PIK3C2G: variants seen among roughly 807,000 people sequenced by gnomAD.
The protein encoded by PIK3C2G is phosphatidylinositol 3-kinase C2 domain-containing subunit gamma.
PIK3C2G carries 168 observed loss-of-function variants against 181.1 expected under a neutral mutation model. The observed-to-expected ratio is 0.93, with a 90% confidence interval of 0.82 to 1.05. PIK3C2G has a LOEUF of 1.05. PIK3C2G is among the 50% of genes least tolerant of loss of function. The pLI, the probability that PIK3C2G is intolerant of heterozygous loss-of-function variation, is 0.00. For missense variants in PIK3C2G, 1,869 were observed against 1,732.8 expected, an observed-to-expected ratio of 1.08 and a Z score of -1.40; for synonymous variants, 573 against 592.2, an observed-to-expected ratio of 0.97 and a Z score of 0.47.
chr12:18,300,386 C>T (rs148006880), intron 5 of PIK3C2G, among the ~76,000 whole-genome samples: 1 of 151,864 alleles, frequency 6.6e-6, no homozygotes, highest in Non-Finnish European at 1.5e-5. Context: ...TTAGTTGTCT[C>T]TTTTGTATTG....
At position 18,300,727 on chromosome 12, in the gene PIK3C2G, T is replaced by G. The variant is rs1047025933; in HGVS notation, c.1034+6712T>G. Among the ~76,000 whole-genome samples, 10 of 152,092 alleles carry G rather than the reference T, an allele frequency of 6.6e-5. No individual in the cohort carries two copies. In the East Asian group the frequency reaches 1.7e-3, roughly 26 times the overall value. ...CTCATTATTTAGCACTGCCACTTGG[T>G]GGTTTTCTGCAGGCGTAATATTTTA... On this transcript the variant is annotated intron_variant, in intron 5 of 32. Coordinates refer to ENST00000538779, the MANE Select transcript of PIK3C2G (RefSeq NM_001288772.2).
At chr12:18,618,974 T>TGG (rs1367836193) in intron 31 of PIK3C2G, among the ~76,000 whole-genome samples, 1 of 151,966 alleles carries the variant, frequency 6.6e-6, no homozygotes, top group Non-Finnish European at 1.5e-5. Flanking sequence ...CTAAAGATCT[T>TGG]ACATTTGTGC....
chr12:18,654,869 G>C, the PIK3C2G span, among the ~76,000 whole-genome samples: 1 of 152,082 alleles, frequency 6.6e-6, no homozygotes, highest in African/African-American at 2.4e-5. Flanking sequence ...TTTGAGAGTG[G>C]AAAGTTGGAA....
At chr12:18,406,022 C>G (rs1477763224) in intron 16 of PIK3C2G, among the ~76,000 whole-genome samples, 1 of 152,132 alleles carries the variant, frequency 6.6e-6, no homozygotes, top group East Asian at 1.9e-4. Flanking sequence ...ACAACAATCT[C>G]CTCTTTTTCC....
intron 8 of PIK3C2G, among the ~76,000 whole-genome samples, chr12:18,332,612 C>G (rs1474072102): frequency 1.3e-5 from 2 of 152,070 alleles, no homozygotes; most frequent in Non-Finnish European, 2.9e-5. Flanking sequence ...AAGCAAAGGC[C>G]TTTTGCTTCT....
chr12:18,646,854 T>C (rs1257536109), intron 32 of PIK3C2G, among the ~76,000 whole-genome samples: 2 of 152,022 alleles, frequency 1.3e-5, no homozygotes, highest in Admixed American at 1.3e-4. Flanking sequence ...AGGTTGCCGA[T>C]GGACCTGTAA....
the PIK3C2G span, chr12:18,699,710 T>C: frequency 2.2e-6 from 3 of 1,352,084 alleles, no homozygotes; most frequent in South Asian, 2.4e-5. Flanking sequence ...ATACATTTTA[T>C]AAATATCATT....
chr12:18,478,108 T>G (rs576573653), intron 18 of PIK3C2G, among the ~76,000 whole-genome samples: 6 of 152,192 alleles, frequency 3.9e-5, no homozygotes, highest in Admixed American at 3.9e-4. Context: ...ATATGGGTAT[T>G]TAGAAGAAAA....
chr12:18,346,870 A>G (rs748500294), intron 11 of PIK3C2G, 34 bp downstream of exon 11: 31 of 1,378,620 alleles, frequency 2.2e-5, no homozygotes, highest in East Asian at 1.2e-4. Flanking sequence ...AAAAGCATTC[A>G]TTTTTACATA....
chr12:18,559,821 T>TATAGAGAG (rs1945244509), intron 26 of PIK3C2G, among the ~76,000 whole-genome samples: 3 of 18,372 alleles, frequency 1.6e-4, no homozygotes, highest in Non-Finnish European at 2.9e-4. Flanking sequence ...TATATATATA[T>TATAGAGAG]AGAGAGAGAG....
At chr12:18,569,723 C>G (rs969295270) in intron 29 of PIK3C2G, among the ~76,000 whole-genome samples, 2 of 152,120 alleles carry the variant, frequency 1.3e-5, no homozygotes, top group African/African-American at 4.8e-5. Context: ...AATACATTTT[C>G]CAATTTTCTA....
At chr12:18,348,449 A>T (rs1939894217) in intron 11 of PIK3C2G, among the ~76,000 whole-genome samples, 1 of 152,098 alleles carries the variant, frequency 6.6e-6, no homozygotes, top group East Asian at 1.9e-4. Context: ...ATACAGGTAG[A>T]TGTGTACATA....
chr12:18,357,176 A>G (rs1237803439), intron 11 of PIK3C2G, among the ~76,000 whole-genome samples: 1 of 152,222 alleles, frequency 6.6e-6, no homozygotes, highest in Non-Finnish European at 1.5e-5. Context: ...CTGTTTAGAT[A>G]TGTGGGAAAA....
intron 31 of PIK3C2G, among the ~76,000 whole-genome samples, chr12:18,624,884 G>A (rs1188550772): frequency 2.0e-5 from 3 of 151,650 alleles, no homozygotes; most frequent in East Asian, 1.9e-4. Flanking sequence ...AGTTGTAATA[G>A]CACTTTTTTA....
chr12:18,673,705 G>A, the PIK3C2G span, among the ~76,000 whole-genome samples: 1 of 152,148 alleles, frequency 6.6e-6, no homozygotes, highest in Non-Finnish European at 1.5e-5. Context: ...CTCTCACAAG[G>A]CTACAAAGGG....
At chr12:18,515,342 A>G (rs1250225774) in intron 24 of PIK3C2G, among the ~76,000 whole-genome samples, 1 of 152,028 alleles carries the variant, frequency 6.6e-6, no homozygotes, top group African/African-American at 2.4e-5. Context: ...CAGTAAAACC[A>G]TCAGGCTCTG....
At chr12:18,245,240 T>C (rs1295029738), upstream of PIK3C2G, among the ~76,000 whole-genome samples, 1 of 152,078 alleles carries the variant, frequency 6.6e-6, no homozygotes, top group Non-Finnish European at 1.5e-5. Flanking sequence ...AGAAACAACG[T>C]TCGATCCTTC....
the PIK3C2G span, among the ~76,000 whole-genome samples, chr12:18,688,469 T>A: frequency 3.9e-5 from 6 of 152,170 alleles, no homozygotes; most frequent in African/African-American, 1.4e-4. Flanking sequence ...TTTATTAACA[T>A]ATTTTTGTTT....
intron 25 of PIK3C2G, 38 bp downstream of exon 25, chr12:18,538,350 T>C (rs1943970208): frequency 6.5e-7 from 1 of 1,547,396 alleles, no homozygotes; most frequent in East Asian, 2.3e-5. Flanking sequence ...AATAATAAGC[T>C]TCATTTATGC....
Sources: allele counts gnomAD v4.1 joint callset (sites outside exome capture counted in the v4.1 genomes callset), GRCh38; gene constraint gnomAD v4.1.1; transcripts MANE v1.5; gene names NCBI Gene and HGNC (gene_info 2026-07-23, HGNC 2026-07-21).